The following EPB41L3 variants were observed in gnomAD, a reference collection of about 807,000 sequenced individuals.
EPB41L3 encodes band 4.1-like protein 3.
In EPB41L3, 57 loss-of-function variants were observed where a neutral mutation model predicts 127.1. The observed-to-expected ratio is 0.45, with a 90% confidence interval of 0.36 to 0.56. The LOEUF (loss-of-function observed/expected upper bound fraction) is 0.56, where lower values mean the gene tolerates loss of function less well. EPB41L3 is among the 20% of genes least tolerant of loss of function. The pLI, the probability that EPB41L3 is intolerant of heterozygous loss-of-function variation, is 0.00. For missense variants in EPB41L3, 1,273 were observed against 1,372.2 expected (o/e 0.93, Z 1.14); for synonymous variants, 572 against 549.5 (o/e 1.04, Z -0.57).
intron 2 of EPB41L3, among the ~76,000 whole-genome samples, chr18:5,480,279 A>T (rs1343766721): frequency 6.6e-6 from 1 of 152,166 alleles, no homozygotes; most frequent in Non-Finnish European, 1.5e-5. Flanking sequence ...TACATTTTTT[A>T]AAAAAACTTT....
intron 16 of EPB41L3, 43 bp downstream of exon 16, chr18:5,406,734 G>C (rs373449109): frequency 1.3e-6 from 2 of 1,549,032 alleles, no homozygotes; most frequent in Non-Finnish European, 1.8e-6. Flanking sequence ...GAAGGAAGGC[G>C]GGTAAACAGA....
In EPB41L3 at chr18:5,449,711, T is replaced by C. The variant is rs893174777; in HGVS notation, c.382-4467A>G. Among the ~76,000 whole-genome samples the C allele has an allele frequency of 5.3e-5, 8 of 152,240 alleles. 1 individual carries two copies. The highest frequency in any genetic ancestry group is 4.6e-4 in the Admixed American group (7 of 15,298). Reference sequence around the variant, plus strand: ...AATGCATACTGCTAGGTGAAAGAAGTTCATCTGAAAAGGATGCATACTGTG... The same window carrying C: ...AATGCATACTGCTAGGTGAAAGAAGCTCATCTGAAAAGGATGCATACTGTG... On this transcript the variant is annotated intron_variant, in intron 3 of 22. Transcript: ENST00000341928.
upstream of EPB41L3, chr18:5,544,073 G>C (rs921404580): frequency 2.0e-6 from 2 of 985,396 alleles, no homozygotes; most frequent in African/African-American, 3.5e-5. Context: ...AGACACCGAG[G>C]CTCCGCGGAG....
chr18:5,475,603 A>C (rs2087021719), intron 3 of EPB41L3, among the ~76,000 whole-genome samples: 2 of 152,220 alleles, frequency 1.3e-5, no homozygotes, highest in South Asian at 4.1e-4. Context: ...AATGAACTTA[A>C]AGCTGAAGAT....
At chr18:5,519,328 A>G (rs950916153) in intron 1 of EPB41L3, among the ~76,000 whole-genome samples, 1 of 152,200 alleles carries the variant, frequency 6.6e-6, no homozygotes, top group East Asian at 1.9e-4. Context: ...CATCGCGACT[A>G]TACTCCTTGT....
rs774227425 is a variant in EPB41L3 at position 5,415,806 on chromosome 18, C to T, written c.2067+12G>A. ...CACGAAGGGGAAGCGTGTTCTATGC[C>T]GAGGTACACACCTCTTCCTCTGAAC... On this transcript the variant is annotated intron_variant, in intron 13 of 22. Transcript: ENST00000341928. 1.4e-5 allele frequency: 22 copies of T among 1,607,498 alleles called. No individual in the cohort carries two copies. The highest frequency in any genetic ancestry group is 1.0e-4 in the Admixed American group (6 of 59,814).
intron 2 of EPB41L3, among the ~76,000 whole-genome samples, chr18:5,487,364 A>T (rs985074810): frequency 6.6e-6 from 1 of 151,070 alleles, no homozygotes; most frequent in Non-Finnish European, 1.5e-5. Context: ...GATGAAGGGA[A>T]TTTTTAAAAA....
At chr18:5,457,754 G>A (rs2083335079) in intron 3 of EPB41L3, among the ~76,000 whole-genome samples, 1 of 152,046 alleles carries the variant, frequency 6.6e-6, no homozygotes, top group Admixed American at 6.5e-5. Flanking sequence ...CTCCTGCAAA[G>A]AGGAGACTGT....
chr18:5,574,839 T>C (rs1251331583), intron 3 of EPB41L3, among the ~76,000 whole-genome samples: 1 of 152,182 alleles, frequency 6.6e-6, no homozygotes, highest in Admixed American at 6.5e-5. Flanking sequence ...TTCTCTTAGC[T>C]TGGTATCATT....
Position 5,397,405 on chromosome 18 carries a change from A to C in EPB41L3, c.2494T>G (p.Ser832Ala), listed in dbSNP as rs116459026. The C allele has an allele frequency of 1.1e-3, 1,737 of 1,610,620 alleles. 14 individuals are homozygous for C. In the African/African-American group the frequency reaches 0.019, roughly 17 times the overall value. The change falls in exon 18 of 23, where the codon TCC becomes GCC. Residue 832 changes from serine to alanine, a missense_variant. Transcript: ENST00000341928. The surrounding 1 kb of genome is among the most constrained non-coding windows in gnomAD (Gnocchi z 4.1). Reference sequence around the variant, plus strand: ...GTGGGTTCCGTCTCTATTCCACTGGACTCCGTCTTGGTTTCCATTTTCTGC... The same window carrying C: ...GTGGGTTCCGTCTCTATTCCACTGGCCTCCGTCTTGGTTTCCATTTTCTGC... ...WVQKMETKTE[S>A]SGIETEPTVH... is the part of the protein sequence containing the mutation.
chr18:5,626,701 G>T (rs2094926871), intron 1 of EPB41L3, among the ~76,000 whole-genome samples: 1 of 152,204 alleles, frequency 6.6e-6, no homozygotes, highest in African/African-American at 2.4e-5. Context: ...GGAAGTAGTT[G>T]CCCAGAGTGG....
chr18:5,454,506 C>A (rs760667011), intron 3 of EPB41L3, among the ~76,000 whole-genome samples: 10 of 152,186 alleles, frequency 6.6e-5, no homozygotes, highest in Non-Finnish European at 1.0e-4. Flanking sequence ...TTAATGGGAT[C>A]TTTCAGCCTA....
chr18:5,604,819 C>G (rs142079283), intron 3 of EPB41L3, among the ~76,000 whole-genome samples: 1,787 of 152,188 alleles, frequency 0.012, 23 homozygotes, highest in Non-Finnish European at 0.019. Context: ...CTCCTTATCC[C>G]CTAATTTCCC....
At chr18:5,438,308 A>C (rs1953726582) in intron 5 of EPB41L3, among the ~76,000 whole-genome samples, 198 bp from the exon 6 acceptor site, 1 of 152,206 alleles carries the variant, frequency 6.6e-6, no homozygotes, top group African/African-American at 2.4e-5. Flanking sequence ...TTCCCAATCA[A>C]ATCCTTTATT....
intron 3 of EPB41L3, among the ~76,000 whole-genome samples, chr18:5,448,711 C>A (rs2081883617): frequency 6.6e-6 from 1 of 152,152 alleles, no homozygotes; most frequent in Admixed American, 6.5e-5. Flanking sequence ...ATTTCTGACT[C>A]AAAAGCATTC....
intron 3 of EPB41L3, among the ~76,000 whole-genome samples, chr18:5,598,331 TA>T (rs1292392602): frequency 6.6e-6 from 1 of 152,186 alleles, no homozygotes; most frequent in Non-Finnish European, 1.5e-5. Context: ...AGTCAGACAT[TA>T]AAGAGACTTA....
At chr18:5,580,574 A>G (rs142165742) in intron 3 of EPB41L3, among the ~76,000 whole-genome samples, 2 of 152,320 alleles carry the variant, frequency 1.3e-5, no homozygotes, top group Non-Finnish European at 1.5e-5. Flanking sequence ...GCACACGCAC[A>G]TATACAATCA....
chr18:5,417,670 T>A (rs73375729), intron 12 of EPB41L3, among the ~76,000 whole-genome samples: 2,748 of 152,184 alleles, frequency 0.018, 71 homozygotes, highest in African/African-American at 0.062. Context: ...AATGCACAAA[T>A]AAAGTTACAT....
chr18:5,570,370 A>G (rs2094261824), intron 3 of EPB41L3, among the ~76,000 whole-genome samples: 1 of 152,078 alleles, frequency 6.6e-6, no homozygotes, highest in African/African-American at 2.4e-5. Flanking sequence ...GGAATATGGC[A>G]TTTTGCACAA....
Sources: allele counts gnomAD v4.1 joint callset (sites outside exome capture counted in the v4.1 genomes callset), GRCh38; gene constraint gnomAD v4.1.1; non-coding constraint Gnocchi (gnomAD v3.1); transcripts MANE v1.5; gene names NCBI Gene and HGNC (gene_info 2026-07-23, HGNC 2026-07-21).